CFAP61: variants seen among roughly 807,000 people sequenced by gnomAD.
The protein encoded by CFAP61 is cilia- and flagella-associated protein 61.
A neutral mutation model predicts 135.6 loss-of-function variants in CFAP61; 107 were observed. That is an observed-to-expected ratio of 0.79 (90% CI 0.67 to 0.93). CFAP61 has a LOEUF of 0.93. Among genes scored for constraint, CFAP61 ranks in the 40% least tolerant of loss-of-function variants. CFAP61 has a pLI of 0.00. For synonymous variants in CFAP61, 575 were observed against 578.5 expected, an observed-to-expected ratio of 0.99 and a Z score of 0.09; for missense variants, 1,507 against 1,556.2, an observed-to-expected ratio of 0.97 and a Z score of 0.53.
intron 24 of CFAP61, among the ~76,000 whole-genome samples, chr20:20,292,719 C>G (rs2055077470): frequency 6.6e-6 from 1 of 152,186 alleles, no homozygotes; most frequent in Non-Finnish European, 1.5e-5. Context: ...CCTCAAGTGC[C>G]TGGGCTTCCT....
At chr20:20,194,326 T>G (rs913592232) in intron 15 of CFAP61, among the ~76,000 whole-genome samples, 1 of 152,240 alleles carries the variant, frequency 6.6e-6, no homozygotes, top group African/African-American at 2.4e-5. Flanking sequence ...ATTACCCAAG[T>G]ATTCTATTGG....
intron 20 of CFAP61, among the ~76,000 whole-genome samples, chr20:20,258,713 C>T (rs1274679630): frequency 6.6e-6 from 1 of 152,142 alleles, no homozygotes; most frequent in East Asian, 1.9e-4. Flanking sequence ...AACGGTCAAC[C>T]CTAGGAGACA....
At chr20:20,103,457 A>T (rs528344605) in intron 8 of CFAP61, among the ~76,000 whole-genome samples, 217 of 152,066 alleles carry the variant, frequency 1.4e-3, no homozygotes, top group Admixed American at 3.1e-3. Flanking sequence ...GTAGAAGTGT[A>T]TTTTTTTTAT....
chr20:20,127,899 G>A (rs2050197425), intron 8 of CFAP61, among the ~76,000 whole-genome samples: 1 of 151,566 alleles, frequency 6.6e-6, no homozygotes, highest in Non-Finnish European at 1.5e-5. Flanking sequence ...AGGTTCCCAG[G>A]TAAGTGGAGT....
chr20:20,310,817 C>T (rs1018445331), intron 25 of CFAP61, among the ~76,000 whole-genome samples: 3 of 152,188 alleles, frequency 2.0e-5, no homozygotes, highest in African/African-American at 7.2e-5. Flanking sequence ...ACAGCTGACA[C>T]CAAATACTGC....
At chr20:20,069,098 TA>T (rs2146562842) in intron 2 of CFAP61, among the ~76,000 whole-genome samples, 1 of 152,248 alleles carries the variant, frequency 6.6e-6, no homozygotes, top group South Asian at 2.1e-4. Context: ...TAGTGATGTA[TA>T]TTTCCTATTA....
intron 2 of CFAP61, among the ~76,000 whole-genome samples, chr20:20,064,166 G>A (rs2045058689): frequency 6.6e-6 from 1 of 151,974 alleles, no homozygotes; most frequent in South Asian, 2.1e-4. Flanking sequence ...ACCCACAAAT[G>A]TAACGGCTTT....
rs2044369199 is a variant in CFAP61 at position 20,056,760 on chromosome 20, G to T, written c.107G>T (p.Cys36Phe). ...CIKSLIRKFT[C>F]KLFGKLNIIY... ...AAAAGCCTTATTAGAAAATTTACCT[G>T]CAAGCTGTTTGGGAAGCTAAATATC... is the stretch of plus-strand genomic sequence containing the variant. Residue 36 changes from cysteine to phenylalanine, a missense_variant, in exon 2 of 27, where the codon TGC (cysteine) becomes TTC (phenylalanine). Physicochemically the swap from Cys to Phe is radical, Grantham distance 205 (BLOSUM62 -2). Coordinates refer to ENST00000245957, the MANE Select transcript of CFAP61 (RefSeq NM_015585.4). 4 of 1,613,900 alleles carry T rather than the reference G, an allele frequency of 2.5e-6. No homozygotes were observed. The South Asian group carries it at 3.3e-5, about 13-fold the overall frequency.
At chr20:20,316,056 T>C (rs1204869144) in intron 25 of CFAP61, among the ~76,000 whole-genome samples, 4 of 152,080 alleles carry the variant, frequency 2.6e-5, no homozygotes, top group East Asian at 3.9e-4. Context: ...TTTAAAGTAG[T>C]TTTTTCCAAT....
In CFAP61 at chr20:20,090,994, G is replaced by A; in HGVS notation, c.699+18G>A. 1.2e-6 allele frequency: 2 copies of A among 1,613,688 alleles called. No individual in the cohort carries two copies. Among genetic ancestry groups the A allele is most frequent in the Non-Finnish European group, 1.7e-6 (2 of 1,179,680 alleles). On this transcript the variant is annotated intron_variant, in intron 7 of 26. Transcript: ENST00000245957. ...TGTGTGAGGTCAGTGACTGATTCAT[G>A]TGGGAACACACTTAGTGAGAGGAAG...
At chr20:20,184,217 GTTGTAGTAT>G (rs2055331095) in intron 13 of CFAP61, among the ~76,000 whole-genome samples, 1 of 152,134 alleles carries the variant, frequency 6.6e-6, no homozygotes, top group African/African-American at 2.4e-5. Flanking sequence ...TTATAACTCA[GTTGTAGTAT>G]TTATTATATG....
intron 8 of CFAP61, among the ~76,000 whole-genome samples, chr20:20,120,594 T>C (rs1451958473): frequency 1.3e-5 from 2 of 152,190 alleles, no homozygotes; most frequent in African/African-American, 4.8e-5. Context: ...TTGAAAACAA[T>C]GTGTATTCTG....
rs769744761 is a variant in CFAP61, at chr20:20,056,683, G to A, written c.30G>A (p.Lys10=). Residue 10 remains lysine (K), a synonymous_variant, in exon 2 of 27, where the codon AAG becomes AAA. Coordinates refer to ENST00000245957, the MANE Select transcript of CFAP61 (RefSeq NM_015585.4). ...CAGTACTCACTTCTCCAAGAGGAAA[G>A]GTAGAAGTTGTTCATTGCCGAAGAA... MSVLTSPRG[K]VEVVHCRRTE... 1 of 1,614,156 alleles carries A rather than the reference G, an allele frequency of 6.2e-7. No homozygotes were observed. Among genetic ancestry groups the A allele is most frequent in the Non-Finnish European group, 8.5e-7 (1 of 1,179,988 alleles).
chr20:20,111,110 A>G (rs1269227669), intron 8 of CFAP61, among the ~76,000 whole-genome samples: 2 of 152,242 alleles, frequency 1.3e-5, no homozygotes, highest in Non-Finnish European at 2.9e-5. Flanking sequence ...TATAGAATTT[A>G]TAATCACCCC....
At chr20:20,193,810 C>T (rs2056096616) in intron 15 of CFAP61, among the ~76,000 whole-genome samples, 2 of 152,072 alleles carry the variant, frequency 1.3e-5, no homozygotes, top group Non-Finnish European at 2.9e-5. Flanking sequence ...GATGGGGTTT[C>T]ACCATGTTGG....
chr20:20,204,496 G>T (rs1230574572), intron 17 of CFAP61, among the ~76,000 whole-genome samples: 1 of 152,122 alleles, frequency 6.6e-6, no homozygotes, highest in African/African-American at 2.4e-5. Flanking sequence ...GTTCTTCCCA[G>T]TCCAGCTATA....
chr20:20,337,660 A>G (rs1306454102), intron 25 of CFAP61, among the ~76,000 whole-genome samples: 1 of 19,988 alleles, frequency 5.0e-5, no homozygotes, highest in African/African-American at 5.5e-5. Context: ...GGGTGGGTGG[A>G]TGGATGGATG....
At chr20:20,188,130 T>G in intron 14 of CFAP61, 74 bp downstream of exon 14, 1 of 1,525,702 alleles carries the variant, frequency 6.6e-7, no homozygotes, top group South Asian at 1.2e-5. Context: ...GCCCTGAAAC[T>G]TCCTTGGATC....
intron 22 of CFAP61, among the ~76,000 whole-genome samples, chr20:20,287,293 G>A (rs2054655120): frequency 6.6e-6 from 1 of 152,198 alleles, no homozygotes; most frequent in African/African-American, 2.4e-5. Context: ...TCTCCCTGAG[G>A]GAGGACCAAG....
Sources: allele counts gnomAD v4.1 joint callset (sites outside exome capture counted in the v4.1 genomes callset), GRCh38; gene constraint gnomAD v4.1.1; transcripts MANE v1.5; gene names NCBI Gene and HGNC (gene_info 2026-07-23, HGNC 2026-07-21).